The following RNLS variants were observed in gnomAD, a reference collection of about 807,000 sequenced individuals.
The protein encoded by RNLS is renalase.
In RNLS, 39 loss-of-function variants were observed where a neutral mutation model predicts 39.8. The ratio of observed to expected loss-of-function variants is 0.98; its 90% CI spans 0.76 to 1.28. The LOEUF (loss-of-function observed/expected upper bound fraction) is 1.28. Among genes scored for constraint, RNLS ranks in the 50% most tolerant of loss-of-function variants. The pLI, the probability that RNLS is intolerant of heterozygous loss-of-function variation, is 0.00. For missense variants in RNLS, 410 were observed against 413.3 expected (o/e 0.99, Z 0.07); for synonymous variants, 147 against 150.7 (o/e 0.98, Z 0.18).
exon 7 of RNLS, chr10:88,274,851 T>C (rs1171653382): frequency 1.3e-6 from 1 of 784,050 alleles, no homozygotes; most frequent in Non-Finnish European, 2.1e-6. Flanking sequence ...CTTGCCAACA[T>C]TTATCTTCTG....
At chr10:88,462,609 A>T (rs1485751012) in intron 4 of RNLS, among the ~76,000 whole-genome samples, 1 of 152,022 alleles carries the variant, frequency 6.6e-6, no homozygotes, top group Non-Finnish European at 1.5e-5. Flanking sequence ...TGGAGGAGTC[A>T]GGCATTAAAA....
chr10:88,565,543 G>T (rs1157508769), intron 4 of RNLS, among the ~76,000 whole-genome samples: 1 of 151,796 alleles, frequency 6.6e-6, no homozygotes, highest in Non-Finnish European at 1.5e-5. Flanking sequence ...TTTCCATGGG[G>T]GTCCAATTCT....
chr10:88,278,510 T>C (rs1842894264), intron 6 of RNLS, among the ~76,000 whole-genome samples: 1 of 152,150 alleles, frequency 6.6e-6, no homozygotes, highest in Non-Finnish European at 1.5e-5. Context: ...TGGTAGGTGA[T>C]AAAATCACAA....
At chr10:88,187,699 A>C in the RNLS span, among the ~76,000 whole-genome samples, 1 of 152,216 alleles carries the variant, frequency 6.6e-6, no homozygotes, top group Admixed American at 6.5e-5. Context: ...GATTTAGGGA[A>C]GTATTAGCTA....
At chr10:88,213,142 G>A in the RNLS span, among the ~76,000 whole-genome samples, 18 of 152,090 alleles carry the variant, frequency 1.2e-4, no homozygotes, top group African/African-American at 3.1e-4. Context: ...TTCTGCGCTG[G>A]CTTTAAAGTG....
chr10:88,316,126 A>G (rs1845750459), intron 5 of RNLS, among the ~76,000 whole-genome samples: 3 of 152,212 alleles, frequency 2.0e-5, no homozygotes, highest in Admixed American at 2.0e-4. Flanking sequence ...GGAGTTTCAC[A>G]TATACGAGGT....
the RNLS span, among the ~76,000 whole-genome samples, chr10:88,196,056 CTG>C: frequency 2.0e-5 from 3 of 152,168 alleles, no homozygotes; most frequent in African/African-American, 7.2e-5. Context: ...AATGGGGACT[CTG>C]AGACCCAAGT....
At chr10:88,376,847 T>A (rs931090115) in intron 4 of RNLS, among the ~76,000 whole-genome samples, 2 of 152,112 alleles carry the variant, frequency 1.3e-5, no homozygotes, top group East Asian at 1.9e-4. Flanking sequence ...TTTAAAAATA[T>A]CAAAATGGTT....
intron 4 of RNLS, among the ~76,000 whole-genome samples, chr10:88,482,996 G>C (rs1395991119): frequency 6.7e-6 from 1 of 149,526 alleles, no homozygotes; most frequent in Admixed American, 6.7e-5. Flanking sequence ...CTTCCTTTTT[G>C]TAGAGACAGG....
At chr10:88,279,048 A>C (rs1407034158) in intron 6 of RNLS, among the ~76,000 whole-genome samples, 2 of 152,320 alleles carry the variant, frequency 1.3e-5, no homozygotes, top group Non-Finnish European at 2.9e-5. Context: ...ACATGGGGTA[A>C]GTATCACAAG....
the RNLS span, among the ~76,000 whole-genome samples, chr10:88,248,013 G>A: frequency 2.0e-5 from 3 of 152,228 alleles, no homozygotes; most frequent in Non-Finnish European, 4.4e-5. Context: ...TGAGCTCAGA[G>A]ATGTTGTGGA....
rs565714463 is a variant in RNLS at position 88,318,978 on chromosome 10, T to C, written c.701-4337A>G. Among the ~76,000 whole-genome samples, 16 of 152,354 alleles carry C rather than the reference T, an allele frequency of 1.1e-4. No individual in the cohort carries two copies. In the South Asian group the frequency reaches 3.3e-3, roughly 32 times the overall value. On this transcript the variant is annotated intron_variant, in intron 5 of 6. Transcript: ENST00000331772. The stretch of plus-strand genomic sequence containing the variant: ...CCAGCTCTTACTCTTAAGTGCCACC[T>C]ACTGGACTAGAGCTTGAACTCCACC...
the RNLS span, among the ~76,000 whole-genome samples, chr10:88,217,808 A>G: frequency 6.7e-6 from 1 of 149,430 alleles, no homozygotes; most frequent in Non-Finnish European, 1.5e-5. Flanking sequence ...GGGAGGCCAA[A>G]GCGGGTGGAT....
intron 6 of RNLS, among the ~76,000 whole-genome samples, chr10:88,276,604 T>C (rs1001011488): frequency 5.3e-5 from 8 of 152,200 alleles, no homozygotes. Context: ...TTTATAGTTA[T>C]TATTTCCACT....
chr10:88,430,786 GTTAAA>G (rs954596472), intron 4 of RNLS, among the ~76,000 whole-genome samples: 21 of 151,758 alleles, frequency 1.4e-4, no homozygotes, highest in Non-Finnish European at 2.5e-4. Flanking sequence ...AATATGGTGA[GTTAAA>G]TTAAATTTTG....
intron 4 of RNLS, among the ~76,000 whole-genome samples, chr10:88,370,601 C>A (rs1850476847): frequency 6.6e-6 from 1 of 152,068 alleles, no homozygotes; most frequent in African/African-American, 2.4e-5. Context: ...TGGTGAATTC[C>A]AAGAACGTCA....
the RNLS span, among the ~76,000 whole-genome samples, chr10:88,254,054 T>C: frequency 1.3e-5 from 2 of 152,266 alleles, no homozygotes; most frequent in African/African-American, 4.8e-5. Context: ...ATAATATATA[T>C]GCAATATGTG....
At chr10:88,204,533 A>C in the RNLS span, among the ~76,000 whole-genome samples, 2 of 152,276 alleles carry the variant, frequency 1.3e-5, no homozygotes, top group African/African-American at 4.8e-5. Flanking sequence ...ATTTCAGATG[A>C]ATTCCAATGA....
intron 4 of RNLS, among the ~76,000 whole-genome samples, chr10:88,457,486 A>C (rs1842696049): frequency 6.6e-6 from 1 of 152,238 alleles, no homozygotes; most frequent in South Asian, 2.1e-4. Context: ...TAATAAACTC[A>C]ATACAGCCTG....
Sources: gnomAD v4.1 joint callset for allele counts (sites outside exome capture counted in the v4.1 genomes callset) on GRCh38, gnomAD v4.1.1 for gene constraint, MANE v1.5 for transcripts, NCBI Gene and HGNC (gene_info 2026-07-23, HGNC 2026-07-21) for gene names.